PCDH15: variants seen among roughly 807,000 people sequenced by gnomAD.
The protein encoded by PCDH15 is protocadherin related 15.
Under a neutral mutation model 178.5 loss-of-function variants are expected in PCDH15, and 129 were observed. The observed-to-expected ratio is 0.72, with a 90% CI of 0.63 to 0.84. The LOEUF (loss-of-function observed/expected upper bound fraction) is 0.84, where lower values mean the gene tolerates loss of function less well. Ranked by LOEUF, PCDH15 falls within the 40% of genes least tolerant of loss-of-function variation. PCDH15 has a pLI of 0.00. For synonymous variants in PCDH15, 800 were observed against 732.0 expected (o/e 1.09, Z -1.50); for missense variants, 2,230 against 2,099.9 (o/e 1.06, Z -1.21).
chr10:54,849,941 C>A (rs190023388), intron 3 of PCDH15, among the ~76,000 whole-genome samples: 12 of 152,082 alleles, frequency 7.9e-5, no homozygotes, highest in Non-Finnish European at 1.8e-4. Context: ...TATATCATGA[C>A]CTGATCTGTG....
At chr10:54,998,261 G>A (rs1001417236) in intron 2 of PCDH15, among the ~76,000 whole-genome samples, 3 of 151,990 alleles carry the variant, frequency 2.0e-5, no homozygotes, top group Non-Finnish European at 4.4e-5. Flanking sequence ...CATTGTCTGT[G>A]TAAGTCATAA....
chr10:53,844,141 G>C (rs966024571), intron 28 of PCDH15, among the ~76,000 whole-genome samples: 5 of 152,098 alleles, frequency 3.3e-5, no homozygotes, highest in African/African-American at 4.8e-5. Context: ...TGTGTGGCCA[G>C]AGCAGATCAC....
intron 30 of PCDH15, among the ~76,000 whole-genome samples, chr10:53,830,039 C>A (rs1291640382): frequency 6.6e-6 from 1 of 152,120 alleles, no homozygotes; most frequent in African/African-American, 2.4e-5. Context: ...CGCGGTGGCT[C>A]ACACCTGTAA....
chr10:53,992,327 G>A (rs866104717), intron 21 of PCDH15, among the ~76,000 whole-genome samples: 3 of 152,284 alleles, frequency 2.0e-5, no homozygotes, highest in Admixed American at 6.5e-5. Context: ...CACTCAGTGC[G>A]ACAGTCTGCG....
At chr10:54,450,459 T>A (rs577255621) in intron 3 of PCDH15, among the ~76,000 whole-genome samples, 2 of 151,838 alleles carry the variant, frequency 1.3e-5, no homozygotes, top group African/African-American at 4.8e-5. Context: ...GGTTTGTCAT[T>A]TAGCTCAACT....
chr10:54,214,675 T>C (rs1308705991), intron 9 of PCDH15, among the ~76,000 whole-genome samples: 1 of 152,194 alleles, frequency 6.6e-6, no homozygotes. Context: ...GACTGAATCC[T>C]CTGCCTTCCC....
At chr10:54,589,749 C>T (rs1049531333) in intron 2 of PCDH15, among the ~76,000 whole-genome samples, 3 of 152,018 alleles carry the variant, frequency 2.0e-5, no homozygotes, top group Non-Finnish European at 2.9e-5. Flanking sequence ...TACAGGTGCC[C>T]ACCACACCCG....
At chr10:54,421,418 T>G (rs1309991745) in intron 3 of PCDH15, among the ~76,000 whole-genome samples, 1 of 150,768 alleles carries the variant, frequency 6.6e-6, no homozygotes, top group African/African-American at 2.4e-5. Flanking sequence ...ATATTATCAT[T>G]GAACCATTAG....
rs531245434 is a variant in PCDH15, at chr10:55,453,598, G to A, written c.-156+174027C>T. Among the ~76,000 whole-genome samples the A allele has an allele frequency of 6.6e-5, 10 of 151,946 alleles. No individual in the cohort carries two copies. In the East Asian group the frequency reaches 1.2e-3, roughly 18 times the overall value. ...AGTTTGCCACCAGTTTGGGGGTTTC[G>A]GGGGGTCAACTAGATTCTATGTTTA... On this transcript the variant is annotated intron_variant, in intron 2 of 5. Transcript: ENST00000613346.
At chr10:54,332,399 G>T (rs543667803) in intron 6 of PCDH15, among the ~76,000 whole-genome samples, 1 of 100,902 alleles carries the variant, frequency 9.9e-6, no homozygotes, top group Non-Finnish European at 2.0e-5. Context: ...TAAATTTTCT[G>T]CAGCTGAAAG....
chr10:54,181,790 C>G (rs1280062282), intron 13 of PCDH15, among the ~76,000 whole-genome samples: 1 of 152,168 alleles, frequency 6.6e-6, no homozygotes. Context: ...ACCAAATACA[C>G]AGCAGAAGCT....
chr10:55,508,942 AG>A (rs1249577362), intron 2 of PCDH15, among the ~76,000 whole-genome samples: 1 of 151,740 alleles, frequency 6.6e-6, no homozygotes, highest in Non-Finnish European at 1.5e-5. Flanking sequence ...AAATAACCAA[AG>A]CAAAGCAAAG....
At chr10:54,160,874 C>A (rs2045637799) in intron 13 of PCDH15, among the ~76,000 whole-genome samples, 1 of 152,070 alleles carries the variant, frequency 6.6e-6, no homozygotes, top group Admixed American at 6.6e-5. Context: ...TGTATAATGG[C>A]TTTAACAAAT....
intron 2 of PCDH15, among the ~76,000 whole-genome samples, chr10:55,046,481 T>C (rs1841009870): frequency 6.6e-6 from 1 of 151,960 alleles, no homozygotes; most frequent in South Asian, 2.1e-4. Flanking sequence ...ACATTGGGCC[T>C]GATCTAAAGG....
intron 6 of PCDH15, among the ~76,000 whole-genome samples, chr10:54,340,661 G>A (rs1047047880): frequency 6.6e-6 from 1 of 152,078 alleles, no homozygotes; most frequent in Admixed American, 6.5e-5. Context: ...AAATACTCTT[G>A]GAAGACGGCT....
intron 13 of PCDH15, 83 bp from the exon 14 acceptor site, chr10:54,153,376 T>G: frequency 1.3e-6 from 2 of 1,483,622 alleles, no homozygotes; most frequent in Non-Finnish European, 1.9e-6. Context: ...CAAAAGAAGC[T>G]TGCTTTCAAA....
chr10:54,476,515 A>G (rs570375532), intron 3 of PCDH15, among the ~76,000 whole-genome samples: 3 of 152,160 alleles, frequency 2.0e-5, no homozygotes, highest in Admixed American at 6.6e-5. Flanking sequence ...ATTTGATAAA[A>G]TTTTCATTTC....
chr10:54,710,670 G>T (rs11004457), intron 1 of PCDH15, among the ~76,000 whole-genome samples: 18,491 of 151,880 alleles, frequency 0.12, 1,254 homozygotes, highest in African/African-American at 0.17. Flanking sequence ...TTTCCTAATT[G>T]CTGTTGCAAG....
At chr10:54,557,601 T>A (rs941025532) in intron 2 of PCDH15, among the ~76,000 whole-genome samples, 1 of 152,162 alleles carries the variant, frequency 6.6e-6, no homozygotes, top group East Asian at 1.9e-4. Flanking sequence ...AGTGAGGCCA[T>A]AGAAATCATC....
Sources: allele counts gnomAD v4.1 joint callset (sites outside exome capture counted in the v4.1 genomes callset), GRCh38; gene constraint gnomAD v4.1.1; transcripts MANE v1.5; gene names NCBI Gene and HGNC (gene_info 2026-07-23, HGNC 2026-07-21).